The following CNIH3 variants were observed in gnomAD, a reference collection of about 807,000 sequenced individuals.
The protein encoded by CNIH3 is cornichon family AMPA receptor auxiliary protein 3, also known as protein cornichon homolog 3.
Under a neutral mutation model 24.1 loss-of-function variants are expected in CNIH3, and 14 were observed. The observed-to-expected ratio is 0.58, with a 90% confidence interval of 0.38 to 0.91. The LOEUF (loss-of-function observed/expected upper bound fraction) is 0.91. Ranked by LOEUF, CNIH3 falls within the 40% of genes least tolerant of loss-of-function variation. The pLI is 0.00. For synonymous variants in CNIH3, 68 were observed against 73.8 expected, an observed-to-expected ratio of 0.92 and a Z score of 0.40; for missense variants, 178 against 196.8, an observed-to-expected ratio of 0.90 and a Z score of 0.57.
At chr1:224,638,410 C>G (rs1280930655) in intron 1 of CNIH3, among the ~76,000 whole-genome samples, 1 of 152,224 alleles carries the variant, frequency 6.6e-6, no homozygotes, top group Non-Finnish European at 1.5e-5. Flanking sequence ...GTCCCTCCCA[C>G]CAGGATTTGC....
At chr1:224,501,525 AT>A (rs199941125) in intron 1 of CNIH3, among the ~76,000 whole-genome samples, 29,463 of 92,544 alleles carry the variant, frequency 0.32, 3,278 homozygotes, top group Middle Eastern at 0.4. Context: ...ATATATATAT[AT>A]TTTTTTTTTT....
chr1:224,617,018 G>C lies in CNIH3; in HGVS notation c.-157G>C. 1.4e-6 allele frequency: 2 copies of C among 1,413,910 alleles called. No individual in the cohort carries two copies. The highest frequency in any genetic ancestry group is 2.9e-5 in the African/African-American group (2 of 69,108). 87.6% of individuals were successfully genotyped at this position (1,413,910 alleles called of 1,614,324 possible). A position where few individuals can be genotyped will look rare whatever the true frequency, so the allele number is the denominator to read the frequency against. ...TGCGGGAATCCAGCGCTTATTCGCTGACCCTCGAGTCGCTTCGCTAGCTGT... is the reference window on the plus strand; with the variant it reads ...TGCGGGAATCCAGCGCTTATTCGCTCACCCTCGAGTCGCTTCGCTAGCTGT... On this transcript the variant is annotated 5_prime_UTR_variant, in exon 1 of 6. Transcript: ENST00000272133.
intron 3 of CNIH3, among the ~76,000 whole-genome samples, chr1:224,596,729 T>C (rs1019715314): frequency 2.0e-5 from 3 of 152,214 alleles, no homozygotes; most frequent in African/African-American, 7.2e-5. Context: ...AAGAAGAATA[T>C]ATTTTATTAA....
At chr1:224,673,053 G>A (rs1685948082) in intron 1 of CNIH3, among the ~76,000 whole-genome samples, 1 of 152,166 alleles carries the variant, frequency 6.6e-6, no homozygotes, top group Non-Finnish European at 1.5e-5. Context: ...TGAACATTGA[G>A]TTTTCATTTG....
chr1:224,650,221 T>C (rs919921265), intron 1 of CNIH3, among the ~76,000 whole-genome samples: 1 of 152,128 alleles, frequency 6.6e-6, no homozygotes, highest in African/African-American at 2.4e-5. Flanking sequence ...CTTGGGAGAC[T>C]GGATAACCTA....
At chr1:224,486,033 C>A (rs1484661236) in intron 1 of CNIH3, among the ~76,000 whole-genome samples, 1 of 151,952 alleles carries the variant, frequency 6.6e-6, no homozygotes, top group Non-Finnish European at 1.5e-5. Context: ...GGTGAGGATG[C>A]ATACGATATG....
chr1:224,734,867 G>A (rs1689515060), intron 5 of CNIH3, among the ~76,000 whole-genome samples, 161 bp downstream of exon 5: 1 of 152,198 alleles, frequency 6.6e-6, no homozygotes, highest in African/African-American at 2.4e-5. Context: ...CAGGAGCAAG[G>A]GCTTCTGTAT....
intron 1 of CNIH3, among the ~76,000 whole-genome samples, chr1:224,471,509 G>A (rs1433525987): frequency 6.6e-6 from 1 of 151,884 alleles, no homozygotes; most frequent in Non-Finnish European, 1.5e-5. Context: ...CGCAAAGTTT[G>A]TCTTTCAGTG....
chr1:224,734,695 C>T lies in CNIH3; in HGVS notation c.444C>T (p.Tyr148=), dbSNP rs1458033869. Residue 148 remains tyrosine (Y), a synonymous_variant, in exon 5 of 6, where the codon TAC becomes TAT. Transcript: ENST00000272133. ...CCTTCTATCTCCTCTCCTTCTTCTA[C>T]TACCTTTACTGGTGAGTATCTGCCC... is the stretch of plus-strand genomic sequence containing the variant. ...KLAFYLLSFF[Y]YLYCMIYTLV... The T allele has an allele frequency of 6.2e-7, 1 of 1,614,202 alleles. No individual in the cohort carries two copies. The highest frequency in any genetic ancestry group is 2.2e-5 in the East Asian group (1 of 44,876).
At chr1:224,647,986 T>TGG (rs1017549815) in intron 1 of CNIH3, among the ~76,000 whole-genome samples, 3 of 152,158 alleles carry the variant, frequency 2.0e-5, no homozygotes, top group African/African-American at 7.2e-5. Flanking sequence ...AGACATATAC[T>TGG]GATGAATTCT....
At chr1:224,540,583 CTTT>C (rs746763324), downstream of CNIH3, among the ~76,000 whole-genome samples, 33 of 152,144 alleles carry the variant, frequency 2.2e-4, no homozygotes, top group Non-Finnish European at 4.3e-4. Flanking sequence ...AGATACCCAG[CTTT>C]GAAGATAATT....
At chr1:224,700,186 T>C (rs1687407214) in intron 3 of CNIH3, among the ~76,000 whole-genome samples, 2 of 152,188 alleles carry the variant, frequency 1.3e-5, no homozygotes, top group Non-Finnish European at 2.9e-5. Flanking sequence ...CACGTCTTGT[T>C]TGCTAGCTCT....
chr1:224,447,280 C>A (rs1219845929), intron 1 of CNIH3, among the ~76,000 whole-genome samples: 3 of 152,128 alleles, frequency 2.0e-5, no homozygotes, highest in Non-Finnish European at 4.4e-5. Flanking sequence ...GCCCAAGAAC[C>A]TAGGGGGCTG....
At chr1:224,634,753 GC>G (rs1345764184) in intron 1 of CNIH3, among the ~76,000 whole-genome samples, 4 of 151,990 alleles carry the variant, frequency 2.6e-5, no homozygotes, top group Non-Finnish European at 1.5e-5. Context: ...CCTAAGAAAT[GC>G]CCCCCTGCCC....
intron 1 of CNIH3, among the ~76,000 whole-genome samples, chr1:224,656,352 A>T (rs1162838399): frequency 6.6e-6 from 1 of 152,212 alleles, no homozygotes; most frequent in Non-Finnish European, 1.5e-5. Flanking sequence ...ACCAAATTTT[A>T]AAATACCAGA....
At chr1:224,634,834 C>T (rs1301982522) in intron 1 of CNIH3, among the ~76,000 whole-genome samples, 2 of 152,214 alleles carry the variant, frequency 1.3e-5, no homozygotes, top group Admixed American at 6.5e-5. Context: ...CACCAAGCCT[C>T]GGCCCTACCT....
At chr1:224,496,751 G>A (rs1677456405) in intron 1 of CNIH3, among the ~76,000 whole-genome samples, 1 of 152,126 alleles carries the variant, frequency 6.6e-6, no homozygotes, top group African/African-American at 2.4e-5. Context: ...TATCATGGTG[G>A]GAATACTGCA....
At chr1:224,643,664 G>T (rs924136707) in intron 1 of CNIH3, among the ~76,000 whole-genome samples, 1 of 152,164 alleles carries the variant, frequency 6.6e-6, no homozygotes, top group African/African-American at 2.4e-5. Context: ...CAGTTTGAAG[G>T]GTGAGAATAA....
chr1:224,451,875 C>T (rs10753467), intron 1 of CNIH3, among the ~76,000 whole-genome samples: 104,535 of 152,022 alleles, frequency 0.69, 38,401 homozygotes, highest in East Asian at 0.99. Context: ...TGACAGATTA[C>T]ACATAGGAAT....
Sources: allele counts gnomAD v4.1 joint callset (sites outside exome capture counted in the v4.1 genomes callset), GRCh38; gene constraint gnomAD v4.1.1; transcripts MANE v1.5; gene names NCBI Gene and HGNC (gene_info 2026-07-23, HGNC 2026-07-21).